The following MBNL3 variants were observed in gnomAD, a reference collection of about 807,000 sequenced individuals.
The protein encoded by MBNL3 is muscleblind-like protein 3.
In MBNL3, 6 loss-of-function variants were observed where a neutral mutation model predicts 24.5. That is an observed-to-expected ratio of 0.25 (90% confidence interval 0.13 to 0.48). The LOEUF is 0.48. Ranked by LOEUF, MBNL3 falls within the 20% of genes least tolerant of loss-of-function variation. MBNL3 has a pLI of 0.99. For missense variants in MBNL3, 230 were observed against 293.5 expected (o/e 0.78, Z 1.58); for synonymous variants, 100 against 101.7 (o/e 0.98, Z 0.10).
At chrX:132,392,066 C>T (rs1270059067) in intron 4 of MBNL3, 77 bp downstream of exon 4, 1 of 925,098 alleles carries the variant, frequency 1.1e-6, no homozygotes, top group Admixed American at 3.3e-5. Context: ...AAACAACACA[C>T]TGGGCTCTGA....
chrX:132,406,060 T>G (rs1941780501), intron 3 of MBNL3, among the ~76,000 whole-genome samples, 168 bp downstream of exon 3: 1 of 111,285 alleles, frequency 9.0e-6, no homozygotes, highest in African/African-American at 3.3e-5. Flanking sequence ...CAGCCAGGTT[T>G]TCAGTGCAAC....
At chrX:132,468,194 A>G (rs1040040161) in intron 1 of MBNL3, among the ~76,000 whole-genome samples, 1 of 112,752 alleles carries the variant, frequency 8.9e-6, no homozygotes, top group African/African-American at 3.2e-5. Context: ...ACTATGCATC[A>G]AACATTTTAA....
At chrX:132,440,571 A>G (rs1243363071) in intron 1 of MBNL3, among the ~76,000 whole-genome samples, 1 of 111,706 alleles carries the variant, frequency 9.0e-6, no homozygotes, top group East Asian at 2.8e-4. Context: ...GGTGGGGTGG[A>G]GGATGGAAAC....
intron 1 of MBNL3, among the ~76,000 whole-genome samples, chrX:132,465,084 A>C (rs1381125443): frequency 9.0e-6 from 1 of 111,539 alleles, no homozygotes; most frequent in East Asian, 2.8e-4. Context: ...TTAAAAAGGG[A>C]AGTAAAACAG....
intron 2 of MBNL3, among the ~76,000 whole-genome samples, chrX:132,407,311 C>G (rs1405523951): frequency 8.9e-6 from 1 of 111,851 alleles, no homozygotes; most frequent in Admixed American, 9.5e-5. Flanking sequence ...AATATTAGAT[C>G]ACTAGGGCAA....
Position 132,444,003 on chromosome X carries a change from C to G in MBNL3, c.-703-3689G>C, listed in dbSNP as rs1320652184. The stretch of plus-strand genomic sequence containing the variant: ...CCAGAGTCCGCCCCCCCCCCCCCCC[C>G]CCACCTACTTAACCATACCACAATA... On this transcript the variant is annotated intron_variant, in intron 1 of 8. Coordinates refer to ENST00000370853, the MANE Select transcript of MBNL3 (RefSeq NM_001386889.1). 1.9e-4 allele frequency among the ~76,000 whole-genome samples: 7 copies of G among 36,520 alleles called. 1 individual carries two copies. The highest frequency in any genetic ancestry group is 5.2e-4 in the African/African-American group (6 of 11,560). The allele number at this position is 36,520 out of a possible 115,157, so 31.7% of individuals were successfully genotyped here.
upstream of MBNL3, chrX:132,489,703 G>T (rs1948193570): frequency 9.5e-3 from 1 of 105 alleles, no homozygotes; most frequent in Non-Finnish European, 0.053. Context: ...AAACTCCGCG[G>T]GCCAGCGGAG....
At chrX:132,425,491 T>A (rs1363808737) in intron 2 of MBNL3, among the ~76,000 whole-genome samples, 2 of 112,152 alleles carry the variant, frequency 1.8e-5, no homozygotes, top group Admixed American at 9.5e-5. Flanking sequence ...ATTATATTTC[T>A]TTGTCTTTCT....
At chrX:132,478,423 C>A (rs1213184141) in intron 1 of MBNL3, among the ~76,000 whole-genome samples, 2 of 111,855 alleles carry the variant, frequency 1.8e-5, no homozygotes, top group African/African-American at 3.3e-5. Context: ...GGTACTGAAC[C>A]AACAGCACTA....
At chrX:132,475,270 TCAAA>T (rs758830111) in intron 1 of MBNL3, among the ~76,000 whole-genome samples, 7 of 112,091 alleles carry the variant, frequency 6.2e-5, no homozygotes, top group African/African-American at 1.9e-4. Flanking sequence ...GCACCATCCA[TCAAA>T]CAGTGAAAGC....
intron 8 of MBNL3, chrX:132,381,437 A>T: frequency 9.1e-7 from 1 of 1,096,631 alleles, no homozygotes; most frequent in Non-Finnish European, 1.2e-6. Flanking sequence ...GGGTATCTAT[A>T]GTAGTAAAAA....
chrX:132,477,430 T>A (rs762210985), intron 1 of MBNL3, among the ~76,000 whole-genome samples: 1 of 112,036 alleles, frequency 8.9e-6, no homozygotes, highest in South Asian at 3.7e-4. Context: ...AGTCTCAAAG[T>A]TGAGGAAGCA....
rs186835174 is a variant in MBNL3, at chrX:132,464,612, A to G, written c.-704+24239T>C. 1.3e-4 allele frequency among the ~76,000 whole-genome samples: 15 copies of G among 112,502 alleles called. No homozygotes were observed. The South Asian group carries it at 4.4e-3, about 33-fold the overall frequency. On this transcript the variant is annotated intron_variant, in intron 1 of 8. Transcript: ENST00000370853. ...TCTTTACGAGCTTATTCGGGCCAAT[A>G]GAAAAATCAGCAAGACCATTAGTGG...
At chrX:132,481,295 CT>C (rs777770684) in intron 1 of MBNL3, among the ~76,000 whole-genome samples, 1 of 112,350 alleles carries the variant, frequency 8.9e-6, no homozygotes, top group East Asian at 2.8e-4. Flanking sequence ...AAAAATGTAA[CT>C]TTTATCCAAA....
At position 132,452,748 on chromosome X, in the gene MBNL3, C is replaced by T. The variant is rs146049898; in HGVS notation, c.-703-12434G>A. Reference sequence around the variant, plus strand: ...CAACTACCTGCACAGATCTGTATCACGTGCTTCTTGGGAATTAGTATAACC... The same window carrying T: ...CAACTACCTGCACAGATCTGTATCATGTGCTTCTTGGGAATTAGTATAACC... On this transcript the variant is annotated intron_variant, in intron 1 of 8. Transcript: ENST00000370853. Among the ~76,000 whole-genome samples the T allele has an allele frequency of 3.5e-4, 40 of 113,080 alleles. No individual in the cohort carries two copies. In the East Asian group the frequency reaches 0.011, roughly 31 times the overall value.
intron 1 of MBNL3, among the ~76,000 whole-genome samples, chrX:132,447,325 A>C (rs1027651267): frequency 8.9e-6 from 1 of 111,780 alleles, no homozygotes; most frequent in African/African-American, 3.3e-5. Context: ...ATAGCATTGA[A>C]TCTATAAATT....
At chrX:132,451,181 G>A (rs1415143179) in intron 1 of MBNL3, among the ~76,000 whole-genome samples, 1 of 112,738 alleles carries the variant, frequency 8.9e-6, no homozygotes, top group Non-Finnish European at 1.9e-5. Context: ...CTGTCCCTTA[G>A]CAGAGCTCAA....
At position 132,412,388 on chromosome X, in the gene MBNL3, C is replaced by T. The variant is rs748002832; in HGVS notation, c.178-5996G>A. ...TGCGTTCTCCAACTGCCCCACCCCC[C>T]ATCCTGAATTTCTCTGAACAAGCCG... On this transcript the variant is annotated intron_variant, in intron 2 of 8. Transcript: ENST00000370853. Among the ~76,000 whole-genome samples the T allele has an allele frequency of 1.5e-4, 17 of 112,012 alleles. No individual in the cohort carries two copies. In the South Asian group the frequency reaches 6.0e-3, roughly 40 times the overall value.
intron 1 of MBNL3, among the ~76,000 whole-genome samples, chrX:132,476,413 T>A (rs1313009007): frequency 9.0e-6 from 1 of 111,673 alleles, no homozygotes; most frequent in Admixed American, 9.5e-5. Flanking sequence ...CATTTCAACC[T>A]TCTTTTGGAT....
Sources: gnomAD v4.1 joint callset for allele counts (sites outside exome capture counted in the v4.1 genomes callset) on GRCh38, gnomAD v4.1.1 for gene constraint, MANE v1.5 for transcripts, NCBI Gene and HGNC (gene_info 2026-07-23, HGNC 2026-07-21) for gene names.